NELFA: variants seen among roughly 807,000 people sequenced by gnomAD.
The protein encoded by NELFA is negative elongation factor complex member A, also known as negative elongation factor A.
NELFA carries 35 observed loss-of-function variants against 51.8 expected under a neutral mutation model. That is an observed-to-expected ratio of 0.68 (90% CI 0.52 to 0.90). NELFA has a LOEUF of 0.90. Ranked by LOEUF, NELFA falls within the 40% of genes least tolerant of loss-of-function variation. The pLI, the probability that NELFA is intolerant of heterozygous loss-of-function variation, is 0.00. For synonymous variants in NELFA, 417 were observed against 338.4 expected, an observed-to-expected ratio of 1.23 and a Z score of -2.55; for missense variants, 658 against 746.4, an observed-to-expected ratio of 0.88 and a Z score of 1.38.
At chr4:1,987,799 A>G (rs1453169588) in intron 4 of NELFA, 119 bp downstream of exon 4, 1 of 863,360 alleles carries the variant, frequency 1.2e-6, no homozygotes, top group Non-Finnish European at 1.7e-6. Context: ...CGGGCTCCCA[A>G]CACTGCTGCC....
rs558718838 is a variant in NELFA at position 1,984,025 on chromosome 4, G to A, written c.1125C>T (p.Pro375=). 3 of 1,607,796 alleles carry A rather than the reference G, an allele frequency of 1.9e-6. No individual in the cohort carries two copies. Among genetic ancestry groups the A allele is most frequent in the East Asian group, 2.2e-5 (1 of 44,874 alleles). The part of the protein sequence containing the change: ...TLPAQFKQRA[P]MYNSGLSPAT... ...CAGGGCTCAGGCCGCTGTTGTACAT[G>A]GGCGCCCGCTGCTTGAACTGCGCTG... is the stretch of plus-strand genomic sequence containing the variant. Residue 375 remains proline, a synonymous_variant, in exon 9 of 11, where the codon CCC becomes CCT. Coordinates refer to ENST00000382882, the MANE Select transcript of NELFA (RefSeq NM_005663.5).
chr4:2,007,165 C>T (rs1253819391), intron 1 of NELFA: 1 of 421,998 alleles, frequency 2.4e-6, no homozygotes. Flanking sequence ...CACGATGGTG[C>T]CACTGCACTC....
chr4:1,984,023 A>C lies in NELFA; in HGVS notation c.1127T>G (p.Met376Arg). ...LPAQFKQRAP[M>R]YNSGLSPATP... is the part of the protein sequence containing the mutation. ...GGCAGGGCTCAGGCCGCTGTTGTAC[A>C]TGGGCGCCCGCTGCTTGAACTGCGC... is the stretch of plus-strand genomic sequence containing the variant. The change falls in exon 9 of 11, where the codon ATG becomes AGG. Residue 376 changes from methionine (M) to arginine (R), a missense_variant. Transcript: ENST00000382882. 1 of 1,607,836 alleles carries C rather than the reference A, an allele frequency of 6.2e-7. No homozygotes were observed. The highest frequency in any genetic ancestry group is 8.5e-7 in the Non-Finnish European group (1 of 1,179,460).
At chr4:1,998,103 C>CAAA (rs1728480577) in intron 1 of NELFA, among the ~76,000 whole-genome samples, 1 of 136,308 alleles carries the variant, frequency 7.3e-6, no homozygotes, top group Non-Finnish European at 1.6e-5. Flanking sequence ...GCATCAACAA[C>CAAA]AACAACAACA....
Position 1,983,321 on chromosome 4 carries a change from A to G in NELFA, c.1585T>C (p.Ter529GlnextTer22). The change falls in exon 11 of 11, where the codon TAG becomes CAG. Residue 529 changes from the stop codon to glutamine, a stop_lost. Transcript: ENST00000382882. The stretch of plus-strand genomic sequence containing the variant: ...GGCCAGCTGTGAGGCAGGTGGTTCT[A>G]GGACACATTGGTCATGGGCTTGTAC... The part of the protein sequence containing the change: ...KKYKPMTNVS[*>Q] 2 of 1,613,790 alleles carry G rather than the reference A, an allele frequency of 1.2e-6. No homozygotes were observed. Among genetic ancestry groups the G allele is most frequent in the South Asian group, 1.1e-5 (1 of 91,036 alleles).
Position 1,983,879 on chromosome 4 carries a change from T to C in NELFA, c.1271A>G (p.Gln424Arg). 1 of 1,587,768 alleles carries C rather than the reference T, an allele frequency of 6.3e-7. No homozygotes were observed. Among genetic ancestry groups the C allele is most frequent in the Non-Finnish European group, 8.6e-7 (1 of 1,166,898 alleles). ...GGACAGGTTCTTCTTAGGCTGCTGCTGAGCAGGGGCCTGGGTCTGCGGGGC... is the reference window on the plus strand; with the variant it reads ...GGACAGGTTCTTCTTAGGCTGCTGCCGAGCAGGGGCCTGGGTCTGCGGGGC... ...MVAPQTQAPA[Q>R]QQPKKNLSLT... The change falls in exon 9 of 11, where the codon CAG (glutamine) becomes CGG (arginine). Residue 424 changes from glutamine (Q) to arginine (R), a missense_variant. Gln to Arg is a conservative substitution (Grantham distance 43). This residue lies in a region of NELFA where 200 missense variants were observed against 167.9 expected (regional missense o/e 1.19). Coordinates refer to ENST00000382882, the MANE Select transcript of NELFA (RefSeq NM_005663.5).
At chr4:1,994,438 T>G (rs1415411620) in intron 1 of NELFA, among the ~76,000 whole-genome samples, 3 of 151,670 alleles carry the variant, frequency 2.0e-5, no homozygotes, top group African/African-American at 4.8e-5. Context: ...GGTGGTGCAC[T>G]CCTGTAATCC....
At chr4:2,001,353 A>C (rs1259661297) in intron 1 of NELFA, among the ~76,000 whole-genome samples, 1 of 152,230 alleles carries the variant, frequency 6.6e-6, no homozygotes, top group Non-Finnish European at 1.5e-5. Flanking sequence ...GAGGAAGTCA[A>C]GTTGTCTCTG....
intron 8 of NELFA, among the ~76,000 whole-genome samples, chr4:1,984,499 C>T (rs558432377): frequency 4.6e-5 from 7 of 152,294 alleles, no homozygotes; most frequent in African/African-American, 1.2e-4. Context: ...GCTCCCCTCC[C>T]GCCTACCCAG....
At chr4:1,987,503 C>T (rs1361988888) in intron 4 of NELFA, 3 of 176,910 alleles carry the variant, frequency 1.7e-5, no homozygotes. Context: ...GCGGAGCCGC[C>T]CAGGGACACT....
intron 8 of NELFA, among the ~76,000 whole-genome samples, chr4:1,984,417 C>T (rs1728017060): frequency 6.6e-6 from 1 of 152,162 alleles, no homozygotes; most frequent in Non-Finnish European, 1.5e-5. Context: ...CCTCAAGCCC[C>T]TTGGGCCCAG....
At position 1,982,761 on chromosome 4, in the gene NELFA, T is replaced by C. The variant is rs1727922863; in HGVS notation, c.*558A>G. The C allele has an allele frequency of 6.6e-6, 1 of 152,310 alleles. No individual in the cohort carries two copies. Among genetic ancestry groups the C allele is most frequent in the Non-Finnish European group, 1.5e-5 (1 of 67,994 alleles). 9.4% of individuals were successfully genotyped at this position (152,310 alleles called of 1,614,324 possible). On this transcript the variant is annotated 3_prime_UTR_variant, in exon 11 of 11. Coordinates refer to ENST00000382882, the MANE Select transcript of NELFA (RefSeq NM_005663.5). ...GCTCGACTTTAATGGTTCAGATAGT[T>C]TTACAATGAAAATAGGTACCCAAAG...
intron 1 of NELFA, among the ~76,000 whole-genome samples, chr4:2,001,588 A>AC (rs1728566628): frequency 6.6e-6 from 1 of 152,234 alleles, no homozygotes; most frequent in Admixed American, 6.5e-5. Flanking sequence ...TTCAAAGAGA[A>AC]CTACAAACCA....
chr4:2,008,089 G>C, intron 1 of NELFA: 1 of 454,890 alleles, frequency 2.2e-6, no homozygotes, highest in Non-Finnish European at 4.4e-6. Context: ...GCGGACACTG[G>C]AGCTACCGAG....
chr4:1,986,312 G>C lies in NELFA; in HGVS notation c.725C>G (p.Pro242Arg). The C allele has an allele frequency of 6.3e-7, 1 of 1,593,348 alleles. No homozygotes were observed. Among genetic ancestry groups the C allele is most frequent in the Non-Finnish European group, 8.5e-7 (1 of 1,170,116 alleles). ...FSPTGNRTPI[P>R]PSRTLLRKER... ...CTTCCGCAGCAGCGTCCTGGAAGGC[G>C]GGATGGGGGTCCGGTTCCCTGTGGG... The change falls in exon 5 of 11, where the codon CCG becomes CGG. Residue 242 changes from proline (P) to arginine (R), a missense_variant. Transcript: ENST00000382882.
intron 2 of NELFA, among the ~76,000 whole-genome samples, chr4:1,991,289 T>C (rs959624207): frequency 1.3e-5 from 2 of 151,262 alleles, no homozygotes; most frequent in African/African-American, 2.4e-5. Context: ...AGACGGCGAG[T>C]GGCGTGACAC....
intron 4 of NELFA, among the ~76,000 whole-genome samples, chr4:1,987,114 A>G (rs1296001040): frequency 6.6e-6 from 1 of 152,156 alleles, no homozygotes; most frequent in East Asian, 1.9e-4. Flanking sequence ...TAGTCAGCAG[A>G]CCCAAGATGC....
chr4:1,984,876 C>T lies in NELFA; in HGVS notation c.968G>A (p.Ser323Asn), dbSNP rs1398716397. Reference sequence around the variant, plus strand: ...CACGCTGGGCGTGGAGGGAAGGTAGCTCGTGGAGGGCAGCGCAGGCTCATT... The same window carrying T: ...CACGCTGGGCGTGGAGGGAAGGTAGTTCGTGGAGGGCAGCGCAGGCTCATT... ...LNNEPALPST[S>N]YLPSTPSVVP... The change falls in exon 8 of 11, where the codon AGC becomes AAC. Residue 323 changes from serine (S) to asparagine (N), a missense_variant. Physicochemically the swap from Ser to Asn is conservative, Grantham distance 46. This residue lies in a region of NELFA where 200 missense variants were observed against 167.9 expected (regional missense o/e 1.19). Transcript: ENST00000382882. 30 of 1,581,088 alleles carry T rather than the reference C, an allele frequency of 1.9e-5. No individual in the cohort carries two copies. Among genetic ancestry groups the T allele is most frequent in the Non-Finnish European group, 2.6e-5 (30 of 1,162,888 alleles).
intron 1 of NELFA, among the ~76,000 whole-genome samples, chr4:1,996,121 A>G (rs1728415945): frequency 2.6e-5 from 4 of 152,244 alleles, no homozygotes; most frequent in Non-Finnish European, 5.9e-5. Context: ...AACATTTACA[A>G]AAACTGACCA....
Sources: gnomAD v4.1 joint callset for allele counts (sites outside exome capture counted in the v4.1 genomes callset) on GRCh38, gnomAD v4.1.1 for gene constraint, gnomAD v4.1.1 regional missense constraint, MANE v1.5 for transcripts, NCBI Gene and HGNC (gene_info 2026-07-23, HGNC 2026-07-21) for gene names.